STEAP1: variants seen among roughly 807,000 people sequenced by gnomAD.
STEAP1 encodes the protein STEAP family member 1.
In STEAP1, 30 loss-of-function variants were observed where a neutral mutation model predicts 34.4. The observed-to-expected ratio is 0.87, with a 90% CI of 0.65 to 1.18. STEAP1 has a LOEUF of 1.18. Ranked by LOEUF, STEAP1 falls within the 50% of genes most tolerant of loss-of-function variation. STEAP1 has a pLI of 0.00. For missense variants in STEAP1, 318 were observed against 391.1 expected (o/e 0.81, Z 1.58); for synonymous variants, 116 against 135.3 (o/e 0.86, Z 0.99).
At chr7:90,158,841 T>C (rs1282421030) in intron 1 of STEAP1, among the ~76,000 whole-genome samples, 1 of 152,226 alleles carries the variant, frequency 6.6e-6, no homozygotes, top group Non-Finnish European at 1.5e-5. Flanking sequence ...GACACATCAC[T>C]GTATTTTAAA....
At position 90,159,873 on chromosome 7, in the gene STEAP1, G is replaced by A. The variant is rs1458347394; in HGVS notation, c.84+1G>A. 6.7e-7 allele frequency: 1 copy of A among 1,496,762 alleles called. No homozygotes were observed. The allele number at this position is 1,496,762 out of a possible 1,614,324, so 92.7% of individuals were successfully genotyped here. A position where few individuals can be genotyped will look rare whatever the true frequency, so the allele number is the denominator to read the frequency against. ...AAATTTAGAAGAAGACGATTATTTGGTAAAATATTAATAATAACAATAATA... is the reference window on the plus strand; with the variant it reads ...AAATTTAGAAGAAGACGATTATTTGATAAAATATTAATAATAACAATAATA... On this transcript the variant is annotated splice_donor_variant, in intron 2 of 4. Transcript: ENST00000297205. LOFTEE classifies it high-confidence loss of function.
chr7:90,160,017 T>C (rs962609636), intron 2 of STEAP1, 145 bp downstream of exon 2: 1 of 464,954 alleles, frequency 2.2e-6, no homozygotes, highest in African/African-American at 2.1e-5. Flanking sequence ...TCACTGATAC[T>C]GTGAAGGACA....
At chr7:90,160,382 TG>T (rs1233410933) in intron 2 of STEAP1, among the ~76,000 whole-genome samples, 1 of 152,128 alleles carries the variant, frequency 6.6e-6, no homozygotes, top group African/African-American at 2.4e-5. Context: ...CAGGATTAAG[TG>T]TTTCTTACTA....
At chr7:90,157,964 G>A (rs1416282773) in intron 1 of STEAP1, among the ~76,000 whole-genome samples, 1 of 152,192 alleles carries the variant, frequency 6.6e-6, no homozygotes, top group African/African-American at 2.4e-5. Context: ...AGATGGTATA[G>A]TCTATTGCTC....
chr7:90,159,852 T>C lies in STEAP1; in HGVS notation c.64T>C (p.Leu22=). Reference sequence around the variant, plus strand: ...TTGGAAAATGAAGCCTAGGAGAAATTTAGAAGAAGACGATTATTTGGTAAA... The same window carrying C: ...TTGGAAAATGAAGCCTAGGAGAAATCTAGAAGAAGACGATTATTTGGTAAA... ...ELWKMKPRRN[L]EEDDYLHKDT... The change falls in exon 2 of 5, where the codon TTA becomes CTA. Residue 22 remains leucine (L), a synonymous_variant. Coordinates refer to ENST00000297205, the MANE Select transcript of STEAP1 (RefSeq NM_012449.3). 1 of 1,549,596 alleles carries C rather than the reference T, an allele frequency of 6.5e-7. No individual in the cohort carries two copies. Among genetic ancestry groups the C allele is most frequent in the Non-Finnish European group, 8.7e-7 (1 of 1,150,324 alleles).
intron 4 of STEAP1, among the ~76,000 whole-genome samples, chr7:90,164,016 C>A (rs1430918942): frequency 6.6e-6 from 1 of 152,144 alleles, no homozygotes; most frequent in African/African-American, 2.4e-5. Context: ...TTGCTATAAT[C>A]TTCAATCTAC....
chr7:90,161,842 T>C, intron 3 of STEAP1, 72 bp from the exon 4 acceptor site: 1 of 1,546,130 alleles, frequency 6.5e-7, no homozygotes. Context: ...CAGGGAAGAG[T>C]GTAGAAGGAG....
chr7:90,157,484 T>G (rs1438407338), intron 1 of STEAP1, among the ~76,000 whole-genome samples: 1 of 152,198 alleles, frequency 6.6e-6, no homozygotes, highest in Admixed American at 6.5e-5. Flanking sequence ...GTGCCATCGC[T>G]AAGCCAATCA....
chr7:90,161,597 A>G (rs1161232102), intron 3 of STEAP1, among the ~76,000 whole-genome samples: 1 of 152,140 alleles, frequency 6.6e-6, no homozygotes, highest in Non-Finnish European at 1.5e-5. Context: ...CCACCCTCAC[A>G]AGATTACTTT....
At chr7:90,157,901 A>G (rs1355541229) in intron 1 of STEAP1, among the ~76,000 whole-genome samples, 3 of 152,184 alleles carry the variant, frequency 2.0e-5, no homozygotes, top group Non-Finnish European at 4.4e-5. Context: ...AGGAAACATC[A>G]TAGAGTGTAC....
chr7:90,157,667 C>T (rs1794133166), intron 1 of STEAP1, among the ~76,000 whole-genome samples: 1 of 152,180 alleles, frequency 6.6e-6, no homozygotes, highest in African/African-American at 2.4e-5. Flanking sequence ...ACTAAAACAA[C>T]AGATATCTTC....
In STEAP1 at chr7:90,161,120, G is replaced by A. The variant is rs1232149969; in HGVS notation, c.400G>A (p.Val134Met). Residue 134 changes from valine to methionine, a missense_variant, in exon 3 of 5, where the codon GTG becomes ATG. Val to Met is a conservative substitution (Grantham distance 21, BLOSUM62 1). Coordinates refer to ENST00000297205, the MANE Select transcript of STEAP1 (RefSeq NM_012449.3). ...CTTGGCATTGGTTTACCTGCCAGGT[G>A]TGATAGCAGCAATTGTCCAACTTCA... The part of the protein sequence containing the change: ...TLLALVYLPG[V>M]IAAIVQLHNG... 3 of 1,613,820 alleles carry A rather than the reference G, an allele frequency of 1.9e-6. No individual in the cohort carries two copies. Among genetic ancestry groups the A allele is most frequent in the African/African-American group, 1.3e-5 (1 of 74,916 alleles).
intron 1 of STEAP1, among the ~76,000 whole-genome samples, chr7:90,157,260 G>A (rs115471521): frequency 2.5e-4 from 38 of 152,170 alleles, no homozygotes; most frequent in African/African-American, 3.9e-4. Flanking sequence ...GAAATATGCC[G>A]CCAGGACTCT....
Position 90,164,788 on chromosome 7 carries a change from T to G in STEAP1, c.*54T>G. 2 of 1,470,428 alleles carry G rather than the reference T, an allele frequency of 1.4e-6. No individual in the cohort carries two copies. The highest frequency in any genetic ancestry group is 2.8e-5 in the South Asian group (2 of 72,588). 91.1% of individuals were successfully genotyped at this position (1,470,428 alleles called of 1,614,324 possible). A position where few individuals can be genotyped will look rare whatever the true frequency, so the allele number is the denominator to read the frequency against. On this transcript the variant is annotated 3_prime_UTR_variant, in exon 5 of 5. Transcript: ENST00000297205. ...ATATTGATATATTTTATCACCAACATTTCAAGTTTGTATTTGTTAATAAAA... is the reference window on the plus strand; with the variant it reads ...ATATTGATATATTTTATCACCAACAGTTCAAGTTTGTATTTGTTAATAAAA...
chr7:90,162,080 T>C lies in STEAP1; in HGVS notation c.762+2T>C. ...TGGAGAGAATTTCACTATATTCAGGTAAATAATATATAAAATAACCCTAAG... is the reference window on the plus strand; with the variant it reads ...TGGAGAGAATTTCACTATATTCAGGCAAATAATATATAAAATAACCCTAAG... On this transcript the variant is annotated splice_donor_variant, in intron 4 of 4. Coordinates refer to ENST00000297205, the MANE Select transcript of STEAP1 (RefSeq NM_012449.3). LOFTEE classifies it high-confidence loss of function. 6.3e-7 allele frequency: 1 copy of C among 1,594,336 alleles called. No homozygotes were observed. Among genetic ancestry groups the C allele is most frequent in the Non-Finnish European group, 8.5e-7 (1 of 1,172,844 alleles).
intron 2 of STEAP1, 32 bp from the exon 3 acceptor site, chr7:90,160,773 A>G (rs1037344017): frequency 1.9e-6 from 3 of 1,593,484 alleles, no homozygotes; most frequent in African/African-American, 1.3e-5. Flanking sequence ...GTTTTGTTCA[A>G]TTTTAAGATG....
In STEAP1 at chr7:90,159,874, T is replaced by C. The variant is rs1173894234; in HGVS notation, c.84+2T>C. 2.0e-6 allele frequency: 3 copies of C among 1,487,974 alleles called. No homozygotes were observed. Among genetic ancestry groups the C allele is most frequent in the Admixed American group, 2.2e-5 (1 of 45,868 alleles). 92.2% of individuals were successfully genotyped at this position (1,487,974 alleles called of 1,614,324 possible). The stretch of plus-strand genomic sequence containing the variant: ...AATTTAGAAGAAGACGATTATTTGG[T>C]AAAATATTAATAATAACAATAATAA... On this transcript the variant is annotated splice_donor_variant, in intron 2 of 4. Transcript: ENST00000297205. LOFTEE classifies it high-confidence loss of function.
chr7:90,157,393 CA>C (rs1794130613), intron 1 of STEAP1, among the ~76,000 whole-genome samples: 1 of 152,182 alleles, frequency 6.6e-6, no homozygotes, highest in African/African-American at 2.4e-5. Flanking sequence ...GCTATCTTAA[CA>C]AAATGTTAAA....
intron 4 of STEAP1, 89 bp from the exon 5 acceptor site, chr7:90,164,388 T>A (rs901464332): frequency 7.2e-7 from 1 of 1,396,666 alleles, no homozygotes; most frequent in Non-Finnish European, 9.5e-7. Context: ...AGATAAAGGA[T>A]TTCCAAGCAA....
Sources: allele counts gnomAD v4.1 joint callset (sites outside exome capture counted in the v4.1 genomes callset), GRCh38; gene constraint gnomAD v4.1.1; transcripts MANE v1.5; gene names NCBI Gene and HGNC (gene_info 2026-07-23, HGNC 2026-07-21).